Variants in KIF5C observed in about 807,000 individuals in gnomAD.
KIF5C encodes the protein kinesin heavy chain isoform 5C.
In KIF5C, 18 loss-of-function variants were observed where a neutral mutation model predicts 125.2. That is an observed-to-expected ratio of 0.14 (90% CI 0.10 to 0.21). The LOEUF is 0.21. Among genes scored for constraint, KIF5C ranks in the 10% least tolerant of loss-of-function variants. The probability of loss-of-function intolerance (pLI) is 1.00; values close to 1 mark genes in which losing one functional copy is unlikely to be tolerated. For missense variants in KIF5C, 780 were observed against 1,183.8 expected (o/e 0.66, Z 5.01); for synonymous variants, 405 against 434.0 (o/e 0.93, Z 0.83).
At chr2:148,920,093 G>A (rs573730376) in intron 1 of KIF5C, among the ~76,000 whole-genome samples, 1 of 152,260 alleles carries the variant, frequency 6.6e-6, no homozygotes, top group Non-Finnish European at 1.5e-5. Flanking sequence ...CAAAACTGAG[G>A]AGTCCTTTTT....
chr2:148,890,234 A>C (rs536744194), intron 1 of KIF5C, among the ~76,000 whole-genome samples: 1 of 152,242 alleles, frequency 6.6e-6, no homozygotes, highest in Admixed American at 6.5e-5. Flanking sequence ...ACAAGGCACA[A>C]AGAAAAAAGG....
intron 13 of KIF5C, among the ~76,000 whole-genome samples, chr2:148,980,670 CT>C (rs1336293307): frequency 2.7e-5 from 4 of 145,756 alleles, no homozygotes; most frequent in Non-Finnish European, 6.0e-5. Flanking sequence ...CTCTCAGATC[CT>C]TTGCTTATTT....
Position 148,994,353 on chromosome 2 carries a change from A to T in KIF5C, c.1906-68A>T, listed in dbSNP as rs902587568. 7.2e-6 allele frequency: 11 copies of T among 1,520,912 alleles called. No homozygotes were observed. In the African/African-American group the frequency reaches 1.4e-4, roughly 19 times the overall value. The allele number at this position is 1,520,912 out of a possible 1,614,324, so 94.2% of individuals were successfully genotyped here. On this transcript the variant is annotated intron_variant, in intron 16 of 25. Transcript: ENST00000435030. ...CCCTCCTCTCTCGCATTTTCCTACC[A>T]GACAATTCCAGGCCAGCCTGGATGA...
intron 3 of KIF5C, among the ~76,000 whole-genome samples, chr2:148,932,315 T>G (rs141170973): frequency 2.6e-5 from 4 of 152,220 alleles, no homozygotes; most frequent in African/African-American, 7.2e-5. Context: ...TTAATCCCCC[T>G]ATTTTTGGTC....
intron 1 of KIF5C, among the ~76,000 whole-genome samples, chr2:148,880,110 G>A (rs917755923): frequency 2.6e-5 from 4 of 151,914 alleles, no homozygotes; most frequent in South Asian, 4.2e-4. Context: ...AAATTTACAC[G>A]CAGTAATACC....
chr2:148,961,538 C>T (rs1173696661), intron 10 of KIF5C, among the ~76,000 whole-genome samples: 1 of 152,042 alleles, frequency 6.6e-6, no homozygotes, highest in Non-Finnish European at 1.5e-5. Context: ...CTTGGTGTAC[C>T]CCAAATTCAT....
intron 1 of KIF5C, among the ~76,000 whole-genome samples, chr2:148,903,959 T>C (rs529168239): frequency 3.4e-4 from 52 of 152,264 alleles, no homozygotes; most frequent in Middle Eastern, 3.4e-3. Context: ...GATTCTAAGT[T>C]ACATGTTGAA....
At chr2:148,968,666 C>G (rs186556506) in intron 11 of KIF5C, among the ~76,000 whole-genome samples, 1 of 151,972 alleles carries the variant, frequency 6.6e-6, no homozygotes, top group Non-Finnish European at 1.5e-5. Context: ...ATTAGAAAAT[C>G]GCTCTAGAAG....
At chr2:148,968,106 T>C (rs528443355) in intron 11 of KIF5C, among the ~76,000 whole-genome samples, 1 of 152,306 alleles carries the variant, frequency 6.6e-6, no homozygotes, top group East Asian at 1.9e-4. Flanking sequence ...GACCTGAAAA[T>C]CCAGGTGTCA....
Position 148,962,427 on chromosome 2 carries a change from C to T in KIF5C, c.1117+308C>T, listed in dbSNP as rs574053422. Among the ~76,000 whole-genome samples the T allele has an allele frequency of 1.4e-4, 22 of 151,952 alleles. No homozygotes were observed. In the East Asian group the frequency reaches 4.1e-3, roughly 28 times the overall value. ...CTCCTGACCTCAAGTGATCCACCCA[C>T]CTTGGCCTCCCAAAGTGCTGGGATT... On this transcript the variant is annotated intron_variant, in intron 11 of 25. Coordinates refer to ENST00000435030, the MANE Select transcript of KIF5C (RefSeq NM_004522.3).
chr2:148,939,937 A>T lies in KIF5C; in HGVS notation c.397-1673A>T, dbSNP rs188820887. Among the ~76,000 whole-genome samples, 7 of 152,316 alleles carry T rather than the reference A, an allele frequency of 4.6e-5. No individual in the cohort carries two copies. The East Asian group carries it at 1.3e-3, about 29-fold the overall frequency. The stretch of plus-strand genomic sequence containing the variant: ...AAATCACCACCCTCGCACACACACC[A>T]AAAGCAGAAATTAATGAAATCAGAA... On this transcript the variant is annotated intron_variant, in intron 4 of 25. Coordinates refer to ENST00000435030, the MANE Select transcript of KIF5C (RefSeq NM_004522.3).
rs867025234 is a variant in KIF5C, at chr2:148,889,635, C to A, written c.126+13892C>A. Among the ~76,000 whole-genome samples, 34 of 152,322 alleles carry A rather than the reference C, an allele frequency of 2.2e-4. No homozygotes were observed. The South Asian group carries it at 3.3e-3, about 15-fold the overall frequency. On this transcript the variant is annotated intron_variant, in intron 1 of 25. Coordinates refer to ENST00000435030, the MANE Select transcript of KIF5C (RefSeq NM_004522.3). ...CCCAATAGCAGCACCCATGGGGATC[C>A]GTTTCACTTAGATGATCCGGCACTA...
chr2:148,973,898 A>C (rs1356059305), intron 12 of KIF5C, among the ~76,000 whole-genome samples: 1 of 152,176 alleles, frequency 6.6e-6, no homozygotes, highest in East Asian at 1.9e-4. Flanking sequence ...AGCTAGGGGC[A>C]AGGGTTGTGA....
intron 1 of KIF5C, among the ~76,000 whole-genome samples, chr2:148,887,173 A>G: frequency 6.6e-6 from 1 of 152,248 alleles, no homozygotes; most frequent in East Asian, 1.9e-4. Context: ...TATTCATTAC[A>G]TGTTGAAATG....
intron 16 of KIF5C, among the ~76,000 whole-genome samples, chr2:148,993,880 A>G (rs1681593843): frequency 6.6e-6 from 1 of 152,140 alleles, no homozygotes; most frequent in African/African-American, 2.4e-5. Flanking sequence ...GGCCTGAGTG[A>G]TAAGGAGCTA....
intron 24 of KIF5C, among the ~76,000 whole-genome samples, chr2:149,010,871 G>A (rs1682173551): frequency 6.6e-6 from 1 of 152,234 alleles, no homozygotes; most frequent in Non-Finnish European, 1.5e-5. Context: ...TGGAGTCTCA[G>A]CCTCTTCAAG....
At chr2:148,922,066 T>G (rs1206294818) in intron 1 of KIF5C, 71 bp from the exon 2 acceptor site, 14 of 1,036,616 alleles carry the variant, frequency 1.4e-5, no homozygotes, top group Non-Finnish European at 1.7e-5. Context: ...TACTAATGTT[T>G]GCGATTTTTT....
At chr2:148,982,156 T>C (rs934783158) in intron 14 of KIF5C, among the ~76,000 whole-genome samples, 6 of 152,242 alleles carry the variant, frequency 3.9e-5, no homozygotes, top group Admixed American at 3.3e-4. Flanking sequence ...TTGTCCTAGC[T>C]GTTACCTTCA....
intron 1 of KIF5C, among the ~76,000 whole-genome samples, chr2:148,910,191 T>C (rs1268064296): frequency 2.6e-5 from 4 of 152,210 alleles, no homozygotes; most frequent in African/African-American, 9.6e-5. Flanking sequence ...TAACTAAAAA[T>C]CTATAAAAGG....
Sources: allele counts gnomAD v4.1 joint callset (sites outside exome capture counted in the v4.1 genomes callset), GRCh38; gene constraint gnomAD v4.1.1; transcripts MANE v1.5; gene names NCBI Gene and HGNC (gene_info 2026-07-23, HGNC 2026-07-21).